Variants in SNX13 observed in about 807,000 individuals in gnomAD.
SNX13 encodes the protein sorting nexin-13.
Under a neutral mutation model 133.6 loss-of-function variants are expected in SNX13, and 45 were observed. The observed-to-expected ratio is 0.34, with a 90% CI of 0.27 to 0.43. SNX13 has a LOEUF of 0.43. SNX13 is among the 20% of genes least tolerant of loss of function. SNX13 has a pLI of 1.00. For missense variants in SNX13, 1,032 were observed against 1,145.1 expected (o/e 0.90, Z 1.43); for synonymous variants, 414 against 373.9 (o/e 1.11, Z -1.24).
At chr7:17,833,950 T>TATATTA (rs777656257) in intron 15 of SNX13, 102 bp downstream of exon 15, 57 of 830,448 alleles carry the variant, frequency 6.9e-5, no homozygotes, top group Non-Finnish European at 9.5e-5. Context: ...CAGTTTATAT[T>TATATTA]TGGACTCCAA....
At chr7:17,896,896 GA>G (rs1797273265) in intron 2 of SNX13, among the ~76,000 whole-genome samples, 1 of 152,010 alleles carries the variant, frequency 6.6e-6, no homozygotes, top group Non-Finnish European at 1.5e-5. Flanking sequence ...TTTCTAGACC[GA>G]AATGACAACA....
chr7:17,812,260 G>A (rs1419055483), intron 20 of SNX13, among the ~76,000 whole-genome samples: 1 of 152,038 alleles, frequency 6.6e-6, no homozygotes, highest in Non-Finnish European at 1.5e-5. Context: ...ATCTGACAAA[G>A]GGCTCATATC....
intron 9 of SNX13, among the ~76,000 whole-genome samples, chr7:17,852,995 A>C (rs1245932862): frequency 1.3e-5 from 2 of 152,234 alleles, no homozygotes; most frequent in Non-Finnish European, 2.9e-5. Flanking sequence ...GTCATGAGCT[A>C]AGAGAAAAGA....
chr7:17,892,184 T>A (rs981510842), intron 3 of SNX13, among the ~76,000 whole-genome samples: 1 of 151,904 alleles, frequency 6.6e-6, no homozygotes, highest in Non-Finnish European at 1.5e-5. Flanking sequence ...TATATAAACA[T>A]AGATACAGAT....
intron 1 of SNX13, among the ~76,000 whole-genome samples, chr7:17,914,885 T>A (rs1799374112): frequency 6.6e-6 from 1 of 152,160 alleles, no homozygotes; most frequent in South Asian, 2.1e-4. Flanking sequence ...GTATTACCCT[T>A]GAATGTAAAT....
intron 1 of SNX13, among the ~76,000 whole-genome samples, chr7:17,909,883 G>C (rs1207725554): frequency 6.6e-6 from 1 of 152,160 alleles, no homozygotes; most frequent in African/African-American, 2.4e-5. Flanking sequence ...AGTTGAAAAA[G>C]ACATATTTGA....
At chr7:17,914,245 G>C (rs28862893) in intron 1 of SNX13, among the ~76,000 whole-genome samples, 3,207 of 151,744 alleles carry the variant, frequency 0.021, 123 homozygotes, top group African/African-American at 0.072. Flanking sequence ...ATTATGTAAT[G>C]CAATCAAACC....
chr7:17,869,811 T>C (rs1793852537), intron 8 of SNX13, among the ~76,000 whole-genome samples: 1 of 152,134 alleles, frequency 6.6e-6, no homozygotes, highest in Admixed American at 6.5e-5. Flanking sequence ...CTTCAAATTA[T>C]GTCTCTGGCC....
At chr7:17,861,356 A>G (rs1268674405) in intron 9 of SNX13, among the ~76,000 whole-genome samples, 3 of 150,774 alleles carry the variant, frequency 2.0e-5, no homozygotes, top group African/African-American at 7.3e-5. Flanking sequence ...ACACACACAC[A>G]CACACACACA....
At chr7:17,829,679 T>C (rs1788268741) in intron 16 of SNX13, among the ~76,000 whole-genome samples, 1 of 151,300 alleles carries the variant, frequency 6.6e-6, no homozygotes, top group African/African-American at 2.4e-5. Context: ...TTATTGCCTA[T>C]CATAGCAATT....
chr7:17,921,338 A>G (rs1485745310), intron 1 of SNX13, among the ~76,000 whole-genome samples: 1 of 151,964 alleles, frequency 6.6e-6, no homozygotes, highest in Non-Finnish European at 1.5e-5. Flanking sequence ...TCTCTCCTAC[A>G]CTCTGACCAC....
chr7:17,871,221 G>T (rs1398779752), intron 8 of SNX13, among the ~76,000 whole-genome samples: 1 of 152,042 alleles, frequency 6.6e-6, no homozygotes, highest in East Asian at 1.9e-4. Context: ...TAGCCAGGAT[G>T]GTCTCGATCT....
chr7:17,914,311 T>C (rs1799314492), intron 1 of SNX13, among the ~76,000 whole-genome samples: 1 of 152,134 alleles, frequency 6.6e-6, no homozygotes, highest in African/African-American at 2.4e-5. Flanking sequence ...GAAAACACAT[T>C]TGAGGAAATA....
At chr7:17,795,940 G>A (rs1218248012) in intron 25 of SNX13, 1 of 151,632 alleles carries the variant, frequency 6.6e-6, no homozygotes. Flanking sequence ...CAGAAGAGAA[G>A]GCTGGTCATT....
intron 5 of SNX13, among the ~76,000 whole-genome samples, chr7:17,883,904 T>C (rs575435201): frequency 6.6e-6 from 1 of 152,342 alleles, no homozygotes; most frequent in African/African-American, 2.4e-5. Context: ...TGTACTCTGC[T>C]TGTTTTTATA....
chr7:17,936,608 T>A (rs1802056752), intron 1 of SNX13, among the ~76,000 whole-genome samples: 1 of 152,172 alleles, frequency 6.6e-6, no homozygotes, highest in Admixed American at 6.5e-5. Context: ...TTCCCACATT[T>A]CTTACCTTTA....
intron 15 of SNX13, chr7:17,831,675 TTAGA>T (rs1484912284): frequency 3.0e-6 from 3 of 984,118 alleles, no homozygotes; most frequent in African/African-American, 1.8e-5. Flanking sequence ...AATCCCTAGG[TTAGA>T]TAATTATTTC....
At chr7:17,807,186 A>G (rs1229950330) in intron 20 of SNX13, among the ~76,000 whole-genome samples, 1 of 152,140 alleles carries the variant, frequency 6.6e-6, no homozygotes, top group African/African-American at 2.4e-5. Flanking sequence ...CACGGAGCCC[A>G]GCAAGCTATA....
chr7:17,856,479 C>A (rs1791896720), intron 9 of SNX13, among the ~76,000 whole-genome samples: 1 of 152,022 alleles, frequency 6.6e-6, no homozygotes, highest in African/African-American at 2.4e-5. Flanking sequence ...GGACTAAATT[C>A]TCCAATTAAA....
Sources: allele counts gnomAD v4.1 joint callset (sites outside exome capture counted in the v4.1 genomes callset), GRCh38; gene constraint gnomAD v4.1.1; transcripts MANE v1.5; gene names NCBI Gene and HGNC (gene_info 2026-07-23, HGNC 2026-07-21).